CSMD1: variants seen among roughly 807,000 people sequenced by gnomAD.
The protein encoded by CSMD1 is CUB and sushi domain-containing protein 1.
Under a neutral mutation model 417.5 loss-of-function variants are expected in CSMD1, and 213 were observed. The ratio of observed to expected loss-of-function variants is 0.51; its 90% CI spans 0.46 to 0.57. The LOEUF (loss-of-function observed/expected upper bound fraction) is 0.57, where lower values mean the gene tolerates loss of function less well. CSMD1 is among the 20% of genes least tolerant of loss of function. The probability of loss-of-function intolerance (pLI) is 0.00; values close to 1 mark genes in which losing one functional copy is unlikely to be tolerated. For missense variants in CSMD1, 6,923 were observed against 4,529.7 expected (o/e 1.53, Z -15.17); for synonymous variants, 2,862 against 1,736.8 (o/e 1.65, Z -16.11).
intron 1 of CSMD1, among the ~76,000 whole-genome samples, chr8:4,646,617 G>C (rs1037693304): frequency 6.6e-6 from 1 of 151,958 alleles, no homozygotes; most frequent in Non-Finnish European, 1.5e-5. Context: ...GAGTGCCATA[G>C]TTGTCTTTCC....
chr8:4,744,468 T>C (rs1016106012), intron 1 of CSMD1, among the ~76,000 whole-genome samples: 1 of 152,180 alleles, frequency 6.6e-6, no homozygotes, highest in Non-Finnish European at 1.5e-5. Context: ...ATGCTCTCCA[T>C]AAGTGAGGAA....
At chr8:3,384,707 TA>T (rs1810867529) in intron 18 of CSMD1, among the ~76,000 whole-genome samples, 1 of 87,194 alleles carries the variant, frequency 1.1e-5, no homozygotes, top group African/African-American at 5.0e-5. Flanking sequence ...AAATTATATA[TA>T]AATATATTTA....
chr8:3,583,929 G>A (rs2116987237), intron 9 of CSMD1, among the ~76,000 whole-genome samples: 1 of 151,554 alleles, frequency 6.6e-6, no homozygotes, highest in South Asian at 2.1e-4. Context: ...AGTGTCAGCA[G>A]GAGTCCAAGA....
At chr8:4,428,206 G>A (rs1250823439) in intron 2 of CSMD1, among the ~76,000 whole-genome samples, 3 of 152,132 alleles carry the variant, frequency 2.0e-5, no homozygotes, top group African/African-American at 7.2e-5. Flanking sequence ...CACTTGTACT[G>A]TGTCCACTGA....
rs539962597 is a variant in CSMD1, at chr8:4,963,755, T to G, written c.85+30577A>C. Among the ~76,000 whole-genome samples, 6 of 152,270 alleles carry G rather than the reference T, an allele frequency of 3.9e-5. No homozygotes were observed. In the East Asian group the frequency reaches 1.2e-3, roughly 29 times the overall value. ...CTCAACTCAAGTTTTCTTGGTCACT[T>G]AACAAAATAACATGACTTTCATGGC... On this transcript the variant is annotated intron_variant, in intron 1 of 69. Transcript: ENST00000635120.
At chr8:3,536,203 G>T (rs1306304678) in intron 10 of CSMD1, among the ~76,000 whole-genome samples, 2 of 152,180 alleles carry the variant, frequency 1.3e-5, no homozygotes, top group Non-Finnish European at 2.9e-5. Flanking sequence ...AGCACTGTAG[G>T]TTTGCTTTTC....
chr8:3,697,122 C>T (rs1585092072), intron 7 of CSMD1, among the ~76,000 whole-genome samples: 6 of 152,162 alleles, frequency 3.9e-5, no homozygotes, highest in Admixed American at 3.3e-4. Flanking sequence ...CAATAATCAG[C>T]ATAATCATCA....
chr8:3,997,837 C>T (rs1363246337), intron 5 of CSMD1, 66 bp downstream of exon 5: 31 of 1,379,366 alleles, frequency 2.2e-5, no homozygotes, highest in African/African-American at 4.6e-5. Flanking sequence ...ATTCTTGAAG[C>T]TCGTTGGGGG....
At chr8:3,840,715 G>A (rs1281773378) in intron 5 of CSMD1, among the ~76,000 whole-genome samples, 5 of 142,392 alleles carry the variant, frequency 3.5e-5, no homozygotes, top group African/African-American at 1.1e-4. Context: ...TTTTTGACAC[G>A]GAATCTATCT....
At chr8:4,077,303 A>ATATATATATG (rs1799878402) in intron 3 of CSMD1, among the ~76,000 whole-genome samples, 1 of 81,548 alleles carries the variant, frequency 1.2e-5, no homozygotes, top group African/African-American at 3.1e-5. Flanking sequence ...ATGTGTATAT[A>ATATATATATG]TATATATATA....
intron 1 of CSMD1, among the ~76,000 whole-genome samples, chr8:4,799,925 G>GA (rs1798184761): frequency 6.6e-6 from 1 of 152,058 alleles, no homozygotes; most frequent in Non-Finnish European, 1.5e-5. Context: ...TGCAGCTTTC[G>GA]AAAGCGATGC....
intron 2 of CSMD1, among the ~76,000 whole-genome samples, chr8:4,471,013 G>A (rs914588910): frequency 1.3e-5 from 2 of 152,046 alleles, no homozygotes; most frequent in African/African-American, 4.8e-5. Context: ...TATGTACGAG[G>A]ATTCTATGAA....
intron 48 of CSMD1, among the ~76,000 whole-genome samples, chr8:3,087,738 C>T (rs1386614486): frequency 6.6e-6 from 1 of 152,222 alleles, no homozygotes; most frequent in East Asian, 1.9e-4. Flanking sequence ...CTGTATGCAG[C>T]CCACAGGCTG....
chr8:3,106,474 A>G (rs1362569421), intron 46 of CSMD1, 54 bp downstream of exon 46: 4 of 1,090,674 alleles, frequency 3.7e-6, no homozygotes, highest in Non-Finnish European at 5.5e-6. Flanking sequence ...TACAAACAAT[A>G]CAATTTTCCA....
intron 3 of CSMD1, among the ~76,000 whole-genome samples, chr8:4,369,304 G>C (rs1802268608): frequency 6.6e-6 from 1 of 152,050 alleles, no homozygotes; most frequent in South Asian, 2.1e-4. Flanking sequence ...TGTTTTATTT[G>C]TGGTTGTTAT....
At chr8:4,492,042 G>T (rs28616876) in intron 2 of CSMD1, among the ~76,000 whole-genome samples, 1 of 144,062 alleles carries the variant, frequency 6.9e-6, no homozygotes, top group South Asian at 2.5e-4. Flanking sequence ...AAAAAAAAAA[G>T]AAAAAAAAAG....
intron 15 of CSMD1, among the ~76,000 whole-genome samples, chr8:3,401,484 G>C (rs572088499): frequency 4.4e-4 from 67 of 152,220 alleles, no homozygotes; most frequent in African/African-American, 1.5e-3. Flanking sequence ...CTGCCGATGA[G>C]CAAAATTTAC....
chr8:3,413,652 C>G (rs1302945361), intron 12 of CSMD1, among the ~76,000 whole-genome samples: 1 of 152,160 alleles, frequency 6.6e-6, no homozygotes, highest in East Asian at 1.9e-4. Context: ...TTCTTGACTT[C>G]TTACACACTG....
intron 1 of CSMD1, among the ~76,000 whole-genome samples, chr8:4,638,966 T>C (rs565847535): frequency 1.3e-5 from 2 of 152,218 alleles, no homozygotes; most frequent in African/African-American, 2.4e-5. Context: ...CTTGAGTAAA[T>C]TGTAGGCCCC....
Sources: gnomAD v4.1 joint callset for allele counts (sites outside exome capture counted in the v4.1 genomes callset) on GRCh38, gnomAD v4.1.1 for gene constraint, MANE v1.5 for transcripts, NCBI Gene and HGNC (gene_info 2026-07-23, HGNC 2026-07-21) for gene names.